The following PLCG2 variants were observed in gnomAD, a reference collection of about 807,000 sequenced individuals.
PLCG2 encodes phospholipase C gamma 2, also known as 1-phosphatidylinositol 4,5-bisphosphate phosphodiesterase gamma-2.
In PLCG2, 69 loss-of-function variants were observed where a neutral mutation model predicts 175.6. That is an observed-to-expected ratio of 0.39 (90% confidence interval 0.32 to 0.48). PLCG2 has a LOEUF of 0.48. Among genes scored for constraint, PLCG2 ranks in the 20% least tolerant of loss-of-function variants. The probability of loss-of-function intolerance (pLI) is 0.91; values close to 1 mark genes in which losing one functional copy is unlikely to be tolerated. For missense variants in PLCG2, 1,798 were observed against 1,650.9 expected (o/e 1.09, Z -1.54); for synonymous variants, 827 against 624.0 (o/e 1.33, Z -4.85).
At chr16:81,874,522 A>C (rs1907671785) in intron 7 of PLCG2, among the ~76,000 whole-genome samples, 1 of 152,184 alleles carries the variant, frequency 6.6e-6, no homozygotes, top group Admixed American at 6.5e-5. Flanking sequence ...ACCTGTTAGC[A>C]AATTGTTTAC....
At chr16:81,793,321 G>T (rs2143209055) in intron 2 of PLCG2, among the ~76,000 whole-genome samples, 2 of 152,338 alleles carry the variant, frequency 1.3e-5, no homozygotes, top group Middle Eastern at 6.8e-3. Flanking sequence ...ACCTAGTTGA[G>T]CAGTCTTCAG....
intron 30 of PLCG2, among the ~76,000 whole-genome samples, chr16:81,944,881 A>C (rs1911090249): frequency 6.6e-6 from 1 of 152,162 alleles, no homozygotes; most frequent in South Asian, 2.1e-4. Flanking sequence ...GTAGAGTAAA[A>C]GTTTCGTACA....
At chr16:81,839,351 GA>G (rs1241354491) in intron 2 of PLCG2, among the ~76,000 whole-genome samples, 1 of 151,178 alleles carries the variant, frequency 6.6e-6, no homozygotes, top group Non-Finnish European at 1.5e-5. Context: ...ATCCATGTGT[GA>G]GGAAAAAAAA....
At chr16:81,889,143 T>C (rs773215179) in intron 9 of PLCG2, 29 bp from the exon 10 acceptor site, 13 of 1,346,310 alleles carry the variant, frequency 9.7e-6, no homozygotes, top group South Asian at 7.4e-5. Flanking sequence ...CTCACTTTGC[T>C]GATCTCTCGT....
intron 7 of PLCG2, among the ~76,000 whole-genome samples, chr16:81,875,362 G>C (rs932288617): frequency 1.3e-5 from 2 of 152,190 alleles, no homozygotes; most frequent in Non-Finnish European, 2.9e-5. Flanking sequence ...CTGAGGTCCA[G>C]AGAGGTTACT....
intron 2 of PLCG2, among the ~76,000 whole-genome samples, chr16:81,826,221 T>C (rs6564923): frequency 0.2 from 30,344 of 152,134 alleles, 3,325 homozygotes; most frequent in African/African-American, 0.29. Flanking sequence ...TCTGGCATCA[T>C]GTCCACCTCC....
chr16:81,857,640 T>C (rs970627177), intron 3 of PLCG2, among the ~76,000 whole-genome samples: 1 of 84,400 alleles, frequency 1.2e-5, no homozygotes, highest in Non-Finnish European at 3.2e-5. Context: ...TAGTCTCTCT[T>C]TCTCTTCTCT....
chr16:81,843,518 TAAC>T (rs1905945513), intron 2 of PLCG2, among the ~76,000 whole-genome samples: 2 of 152,200 alleles, frequency 1.3e-5, no homozygotes, highest in Admixed American at 1.3e-4. Flanking sequence ...TAGTATCACT[TAAC>T]AACCTTAAGT....
At chr16:81,851,555 C>G (rs1248999018) in intron 2 of PLCG2, among the ~76,000 whole-genome samples, 1 of 152,140 alleles carries the variant, frequency 6.6e-6, no homozygotes. Flanking sequence ...CTCTGTCACC[C>G]AGGCTGGAGT....
At chr16:81,884,909 G>A (rs1372826482) in intron 9 of PLCG2, among the ~76,000 whole-genome samples, 1 of 151,808 alleles carries the variant, frequency 6.6e-6, no homozygotes, top group African/African-American at 2.4e-5. Flanking sequence ...TTTGAGATAA[G>A]GTCTCACTCA....
At position 81,931,574 on chromosome 16, in the gene PLCG2, G is replaced by C; in HGVS notation, c.2659G>C (p.Glu887Gln). The C allele has an allele frequency of 6.2e-7, 1 of 1,614,106 alleles. No homozygotes were observed. The highest frequency in any genetic ancestry group is 8.5e-7 in the Non-Finnish European group (1 of 1,180,000). The change falls in exon 25 of 33, where the codon GAG becomes CAG. Residue 887 changes from glutamate (E) to glutamine (Q), a missense_variant. Glu to Gln is a conservative substitution (Grantham distance 29). Transcript: ENST00000564138. Reference sequence around the variant, plus strand: ...CAAGCAGCAGGGCGATCCTCCGGTGGAGTTTGCCACAGACAGGGTGGAGGA... The same window carrying C: ...CAAGCAGCAGGGCGATCCTCCGGTGCAGTTTGCCACAGACAGGGTGGAGGA... ...EPKQQGDPPV[E>Q]FATDRVEELF...
chr16:81,905,452 A>G lies in PLCG2; in HGVS notation c.1412A>G (p.Lys471Arg), dbSNP rs751412152. ...RGDVDVNMED[K>R]KDEHKQQGEL... ...GATGTGGATGTCAACATGGAGGACA[A>G]GAAGGACGAACACAAGCAACAGGGG... Residue 471 changes from lysine to arginine, a missense_variant, in exon 15 of 33, where the codon AAG becomes AGG. Physicochemically the swap from Lys to Arg is conservative, Grantham distance 26 (BLOSUM62 2). Coordinates refer to ENST00000564138, the MANE Select transcript of PLCG2 (RefSeq NM_002661.5). 1.2e-6 allele frequency: 2 copies of G among 1,614,210 alleles called. No individual in the cohort carries two copies. The highest frequency in any genetic ancestry group is 1.7e-6 in the Non-Finnish European group (2 of 1,180,018).
intron 7 of PLCG2, among the ~76,000 whole-genome samples, chr16:81,878,873 T>C (rs1212910452): frequency 6.6e-6 from 1 of 152,156 alleles, no homozygotes; most frequent in Non-Finnish European, 1.5e-5. Context: ...TTTTTCATTC[T>C]CTGTCCTGCT....
intron 19 of PLCG2, among the ~76,000 whole-genome samples, chr16:81,916,826 T>C (rs80018030): frequency 0.41 from 61,859 of 151,654 alleles, 13,389 homozygotes; most frequent in East Asian, 0.78. Flanking sequence ...TTGGTAAAGG[T>C]GGGGTTTCAC....
rs533830504 is a variant in PLCG2 at position 81,899,347 on chromosome 16, T to G, written c.1194-1265T>G. ...ATATATACGTATATATGTATATACA[T>G]GTACTAATGATATGTGAATTTATAC... On this transcript the variant is annotated intron_variant, in intron 13 of 32. Transcript: ENST00000564138. 2.5e-4 allele frequency among the ~76,000 whole-genome samples: 38 copies of G among 152,010 alleles called. 1 individual carries two copies. In the South Asian group the frequency reaches 5.0e-3, roughly 20 times the overall value.
At chr16:81,939,435 C>G (rs920601929) in intron 29 of PLCG2, among the ~76,000 whole-genome samples, 3 of 152,210 alleles carry the variant, frequency 2.0e-5, no homozygotes, top group African/African-American at 4.8e-5. Flanking sequence ...ATGAACAACT[C>G]AGATGCTGAC....
intron 2 of PLCG2, among the ~76,000 whole-genome samples, chr16:81,761,158 A>T: frequency 6.6e-6 from 1 of 152,158 alleles, no homozygotes; most frequent in Middle Eastern, 3.2e-3. Flanking sequence ...TAGCCTCCCA[A>T]ACTGCTGGCC....
intron 22 of PLCG2, 54 bp from the exon 23 acceptor site, chr16:81,927,028 G>A: frequency 8.7e-7 from 1 of 1,149,912 alleles, no homozygotes; most frequent in Non-Finnish European, 1.3e-6. Context: ...GAGCAGTAGT[G>A]GGTAATTCAT....
intron 2 of PLCG2, among the ~76,000 whole-genome samples, chr16:81,820,583 C>T (rs1438534616): frequency 6.6e-6 from 1 of 151,926 alleles, no homozygotes; most frequent in Admixed American, 6.6e-5. Flanking sequence ...AGATCTTGGG[C>T]ATATCAGTTT....
Sources: allele counts gnomAD v4.1 joint callset (sites outside exome capture counted in the v4.1 genomes callset), GRCh38; gene constraint gnomAD v4.1.1; transcripts MANE v1.5; gene names NCBI Gene and HGNC (gene_info 2026-07-23, HGNC 2026-07-21).